The following CRPPA variants were observed in gnomAD, a reference collection of about 807,000 sequenced individuals.
CRPPA encodes D-ribitol-5-phosphate cytidylyltransferase.
A neutral mutation model predicts 52.0 loss-of-function variants in CRPPA; 43 were observed. That is an observed-to-expected ratio of 0.83 (90% CI 0.65 to 1.07). The LOEUF (loss-of-function observed/expected upper bound fraction) is 1.07. Ranked by LOEUF, CRPPA falls within the 50% of genes least tolerant of loss-of-function variation. The probability of loss-of-function intolerance (pLI) is 0.00; values close to 1 mark genes in which losing one functional copy is unlikely to be tolerated. For synonymous variants in CRPPA, 250 were observed against 203.5 expected, an observed-to-expected ratio of 1.23 and a Z score of -1.94; for missense variants, 629 against 551.7, an observed-to-expected ratio of 1.14 and a Z score of -1.40.
chr7:16,365,419 C>T (rs1299411116), intron 3 of CRPPA, among the ~76,000 whole-genome samples: 1 of 152,156 alleles, frequency 6.6e-6, no homozygotes, highest in African/African-American at 2.4e-5. Context: ...TTAAGCCTTG[C>T]CTAAGGCTCT....
chr7:16,405,495 TC>T (rs1317337523), intron 2 of CRPPA, among the ~76,000 whole-genome samples: 1 of 152,096 alleles, frequency 6.6e-6, no homozygotes, highest in Non-Finnish European at 1.5e-5. Context: ...AAGTTTAGTA[TC>T]TATTACCATA....
chr7:16,209,592 T>C (rs1166795931), intron 9 of CRPPA, among the ~76,000 whole-genome samples: 2 of 152,148 alleles, frequency 1.3e-5, no homozygotes, highest in East Asian at 1.9e-4. Context: ...TCTTTTGTTT[T>C]ATTATGAATA....
chr7:16,201,027 T>A (rs553978044), intron 9 of CRPPA, among the ~76,000 whole-genome samples: 4 of 152,102 alleles, frequency 2.6e-5, no homozygotes, highest in African/African-American at 9.7e-5. Flanking sequence ...GCAACACACA[T>A]ATGAATACAT....
chr7:16,290,622 T>G (rs1784543493), intron 5 of CRPPA, among the ~76,000 whole-genome samples: 1 of 151,946 alleles, frequency 6.6e-6, no homozygotes, highest in Non-Finnish European at 1.5e-5. Flanking sequence ...CTCCTATCTC[T>G]CATCATATAC....
chr7:16,277,639 T>C (rs1372581324), intron 6 of CRPPA, among the ~76,000 whole-genome samples: 1 of 152,186 alleles, frequency 6.6e-6, no homozygotes, highest in African/African-American at 2.4e-5. Flanking sequence ...ACTTATTGCA[T>C]CTTCTATTTG....
At chr7:16,141,022 C>T (rs1408546913) in intron 9 of CRPPA, among the ~76,000 whole-genome samples, 15 of 152,130 alleles carry the variant, frequency 9.9e-5, no homozygotes, top group Admixed American at 9.8e-4. Context: ...AAACCTTCCC[C>T]ACTTGTCTAA....
intron 9 of CRPPA, among the ~76,000 whole-genome samples, chr7:16,094,570 AGT>A (rs3083129): frequency 1.3e-5 from 2 of 150,602 alleles, no homozygotes; most frequent in Non-Finnish European, 3.0e-5. Flanking sequence ...CACATACATA[AGT>A]GTGTGTGTGT....
chr7:16,360,923 A>G (rs1350167613), intron 3 of CRPPA, among the ~76,000 whole-genome samples: 1 of 152,200 alleles, frequency 6.6e-6, no homozygotes, highest in Non-Finnish European at 1.5e-5. Flanking sequence ...TGTATCAATA[A>G]AAAAAGCAAT....
At chr7:16,114,988 A>G (rs550894949) in intron 9 of CRPPA, among the ~76,000 whole-genome samples, 32 of 152,210 alleles carry the variant, frequency 2.1e-4, no homozygotes, top group Non-Finnish European at 3.5e-4. Flanking sequence ...GACTAAGGTA[A>G]CACTCCAAAC....
intron 2 of CRPPA, among the ~76,000 whole-genome samples, chr7:16,390,055 T>C (rs967357939): frequency 2.7e-5 from 4 of 150,032 alleles, no homozygotes; most frequent in East Asian, 2.0e-4. Context: ...AGAGTAAATT[T>C]AGTGAAGAAG....
At chr7:16,299,529 A>C (rs1294757338) in intron 5 of CRPPA, among the ~76,000 whole-genome samples, 1 of 152,158 alleles carries the variant, frequency 6.6e-6, no homozygotes, top group African/African-American at 2.4e-5. Context: ...CTGCTGGTCT[A>C]GAGCATTTAC....
At chr7:16,261,319 C>T (rs1489072380) in intron 6 of CRPPA, among the ~76,000 whole-genome samples, 2 of 152,072 alleles carry the variant, frequency 1.3e-5, no homozygotes, top group South Asian at 4.1e-4. Context: ...AATGACAACT[C>T]ACTTCTTTTT....
At chr7:16,249,629 G>C (rs1211820745) in intron 8 of CRPPA, among the ~76,000 whole-genome samples, 7 of 152,214 alleles carry the variant, frequency 4.6e-5, no homozygotes, top group Non-Finnish European at 1.5e-5. Context: ...CAAACCTGCA[G>C]CTAAGGGGCC....
chr7:16,207,009 C>T (rs1466562128), intron 9 of CRPPA, among the ~76,000 whole-genome samples: 3 of 152,068 alleles, frequency 2.0e-5, no homozygotes, highest in Non-Finnish European at 4.4e-5. Flanking sequence ...AAACCAAATG[C>T]CAAACATTAC....
intron 9 of CRPPA, among the ~76,000 whole-genome samples, chr7:16,120,143 A>G (rs1782453214): frequency 6.6e-6 from 1 of 152,212 alleles, no homozygotes; most frequent in African/African-American, 2.4e-5. Context: ...ACAGAGTATT[A>G]CTAACAAAGC....
intron 3 of CRPPA, among the ~76,000 whole-genome samples, chr7:16,329,681 G>A (rs1054317857): frequency 2.0e-5 from 3 of 152,096 alleles, no homozygotes; most frequent in African/African-American, 7.2e-5. Context: ...ATACAAACAC[G>A]TAAACAATCT....
intron 9 of CRPPA, among the ~76,000 whole-genome samples, chr7:16,112,949 T>C (rs899319733): frequency 2.0e-5 from 3 of 151,846 alleles, no homozygotes; most frequent in Non-Finnish European, 4.4e-5. Context: ...GCATTCATAA[T>C]AAAAATCTAT....
At chr7:16,338,990 TG>T (rs1385295927) in intron 3 of CRPPA, among the ~76,000 whole-genome samples, 3 of 151,942 alleles carry the variant, frequency 2.0e-5, no homozygotes, top group Non-Finnish European at 2.9e-5. Context: ...AATTTTTTTT[TG>T]TATTTTTAGT....
intron 9 of CRPPA, chr7:16,209,180 G>T: frequency 6.1e-6 from 2 of 327,050 alleles, no homozygotes; most frequent in South Asian, 2.7e-5. Context: ...ACCAACCGCA[G>T]ATCTAAGAGA....
Sources: gnomAD v4.1 joint callset for allele counts (sites outside exome capture counted in the v4.1 genomes callset) on GRCh38, gnomAD v4.1.1 for gene constraint, MANE v1.5 for transcripts, NCBI Gene and HGNC (gene_info 2026-07-23, HGNC 2026-07-21) for gene names.